The following TJP1 variants were observed in gnomAD, a reference collection of about 807,000 sequenced individuals.
The protein encoded by TJP1 is tight junction protein ZO-1.
In TJP1, 43 loss-of-function variants were observed where a neutral mutation model predicts 194.2. That is an observed-to-expected ratio of 0.22 (90% confidence interval 0.17 to 0.29). The LOEUF (loss-of-function observed/expected upper bound fraction) is 0.29. Among genes scored for constraint, TJP1 ranks in the 10% least tolerant of loss-of-function variants. The pLI, the probability that TJP1 is intolerant of heterozygous loss-of-function variation, is 1.00. For synonymous variants in TJP1, 801 were observed against 779.0 expected, an observed-to-expected ratio of 1.03 and a Z score of -0.47; for missense variants, 1,971 against 2,185.7, an observed-to-expected ratio of 0.90 and a Z score of 1.96.
chr15:29,867,178 A>G (rs2152112111), intron 2 of TJP1, among the ~76,000 whole-genome samples: 1 of 152,378 alleles, frequency 6.6e-6, no homozygotes, highest in Admixed American at 6.5e-5. Context: ...ATTCCTGGAC[A>G]CGAGAAAATT....
intron 2 of TJP1, among the ~76,000 whole-genome samples, chr15:29,911,542 G>A (rs1284618188): frequency 6.6e-6 from 1 of 152,096 alleles, no homozygotes; most frequent in Non-Finnish European, 1.5e-5. Context: ...AAGGCAAAGG[G>A]GAAGCATGCA....
At chr15:29,764,892 G>A (rs45517939) in intron 5 of TJP1, among the ~76,000 whole-genome samples, 1 of 152,098 alleles carries the variant, frequency 6.6e-6, no homozygotes, top group Non-Finnish European at 1.5e-5. Context: ...AGCAGTGACT[G>A]GAAGCAGGGG....
At chr15:29,735,691 C>T (rs966550894) in intron 11 of TJP1, among the ~76,000 whole-genome samples, 2 of 151,716 alleles carry the variant, frequency 1.3e-5, no homozygotes, top group African/African-American at 4.8e-5. Context: ...TCTTTACTTT[C>T]CTTGGTATAG....
chr15:29,711,564 C>G (rs1195573093), intron 23 of TJP1, among the ~76,000 whole-genome samples: 1 of 152,138 alleles, frequency 6.6e-6, no homozygotes, highest in Non-Finnish European at 1.5e-5. Context: ...TGGCGTTTCA[C>G]CACGTTGTCC....
chr15:29,830,560 T>C (rs1034888018), intron 2 of TJP1, among the ~76,000 whole-genome samples: 2 of 151,314 alleles, frequency 1.3e-5, no homozygotes, highest in Non-Finnish European at 1.5e-5. Context: ...CACTAATATA[T>C]ATTAATGTGT....
At position 29,703,799 on chromosome 15, in the gene TJP1, C is replaced by G. The variant is rs562219914; in HGVS notation, c.5212+363G>C. On this transcript the variant is annotated intron_variant, in intron 27 of 27. Coordinates refer to ENST00000614355, the MANE Select transcript of TJP1 (RefSeq NM_001330239.4). ...CTGGGATTACAGGTGTGTGCCACCACGCCTGGCTAATTTTTGTATTTTTAG... is the reference window on the plus strand; with the variant it reads ...CTGGGATTACAGGTGTGTGCCACCAGGCCTGGCTAATTTTTGTATTTTTAG... Among the ~76,000 whole-genome samples, 27 of 152,092 alleles carry G rather than the reference C, an allele frequency of 1.8e-4. 1 individual carries two copies. The South Asian group carries it at 5.2e-3, about 29-fold the overall frequency.
At chr15:29,904,027 G>A (rs2053722589) in intron 2 of TJP1, among the ~76,000 whole-genome samples, 1 of 152,076 alleles carries the variant, frequency 6.6e-6, no homozygotes, top group African/African-American at 2.4e-5. Flanking sequence ...GGGTGTGAGG[G>A]CTAAAAATAA....
intron 2 of TJP1, among the ~76,000 whole-genome samples, chr15:29,945,342 ATATTCTT>A (rs528990644): frequency 7.2e-5 from 11 of 152,358 alleles, no homozygotes; most frequent in African/African-American, 2.6e-4. Context: ...TCACCAGCTG[ATATTCTT>A]TTCACTAATT....
At chr15:29,837,558 CA>C (rs902890261) in intron 2 of TJP1, among the ~76,000 whole-genome samples, 9 of 151,684 alleles carry the variant, frequency 5.9e-5, no homozygotes, top group African/African-American at 2.2e-4. Flanking sequence ...AACTCCGTCT[CA>C]AAAAAAATTA....
intron 18 of TJP1, among the ~76,000 whole-genome samples, chr15:29,722,410 G>A (rs2042984361): frequency 6.6e-6 from 1 of 152,200 alleles, no homozygotes; most frequent in South Asian, 2.1e-4. Context: ...TTGCTTCAGA[G>A]GGTGCAAGCC....
intron 8 of TJP1, chr15:29,760,183 T>TG (rs1182412292): frequency 2.8e-6 from 2 of 701,778 alleles, no homozygotes; most frequent in Non-Finnish European, 5.2e-6. Context: ...ATGGGTCAGG[T>TG]GGTGGCCTAT....
chr15:29,711,969 AGATCCTGC>A (rs2042271884), intron 23 of TJP1, among the ~76,000 whole-genome samples: 1 of 152,248 alleles, frequency 6.6e-6, no homozygotes, highest in African/African-American at 2.4e-5. Context: ...CTAGAGCAGC[AGATCCTGC>A]TTTATTTTAC....
At chr15:29,926,316 C>G (rs1052222392) in intron 2 of TJP1, among the ~76,000 whole-genome samples, 7 of 152,110 alleles carry the variant, frequency 4.6e-5, no homozygotes, top group African/African-American at 7.2e-5. Flanking sequence ...AGTAAAGAAG[C>G]ATTTGGGAAC....
At chr15:29,754,850 T>A (rs1405203096) in intron 8 of TJP1, among the ~76,000 whole-genome samples, 1 of 152,180 alleles carries the variant, frequency 6.6e-6, no homozygotes, top group Non-Finnish European at 1.5e-5. Flanking sequence ...TTACCTACGC[T>A]CAACCTGTAT....
chr15:29,718,544 C>T lies in TJP1; in HGVS notation c.3598G>A (p.Glu1200Lys), dbSNP rs781683732. 9 of 1,613,984 alleles carry T rather than the reference C, an allele frequency of 5.6e-6. 1 individual carries two copies. Among genetic ancestry groups the T allele is most frequent in the East Asian group, 2.2e-5 (1 of 44,876 alleles). ...QYFEQYSRSY[E>K]QVPPQGFTSR... ...GTAAATCCTTGGGGTGGTACTTGCTCGTAACTGCGTGAATATTGCTCAAAA... is the reference window on the plus strand; with the variant it reads ...GTAAATCCTTGGGGTGGTACTTGCTTGTAACTGCGTGAATATTGCTCAAAA... The change falls in exon 21 of 28, where the codon GAG (glutamate) becomes AAG (lysine). Residue 1200 changes from glutamate (E) to lysine (K), a missense_variant. Transcript: ENST00000614355.
chr15:29,889,037 C>T (rs1488463231), intron 2 of TJP1, among the ~76,000 whole-genome samples: 1 of 152,192 alleles, frequency 6.6e-6, no homozygotes, highest in Admixed American at 6.5e-5. Context: ...AAATCTGCTC[C>T]CTTAGTTGGG....
At chr15:29,902,129 A>T (rs2053653920) in intron 2 of TJP1, among the ~76,000 whole-genome samples, 1 of 152,234 alleles carries the variant, frequency 6.6e-6, no homozygotes, top group African/African-American at 2.4e-5. Context: ...TTTTACTATC[A>T]TATTTTATTC....
At chr15:29,949,532 T>A (rs146922565) in intron 2 of TJP1, among the ~76,000 whole-genome samples, 167 of 17,550 alleles carry the variant, frequency 9.5e-3, no homozygotes, top group Middle Eastern at 0.059. Context: ...CACCACCACC[T>A]CCACCACCAC....
At chr15:29,930,690 A>G (rs1319264621) in intron 2 of TJP1, among the ~76,000 whole-genome samples, 1 of 150,168 alleles carries the variant, frequency 6.7e-6, no homozygotes, top group Non-Finnish European at 1.5e-5. Context: ...CCCACTATCA[A>G]TCACAGCCTC....
Sources: gnomAD v4.1 joint callset for allele counts (sites outside exome capture counted in the v4.1 genomes callset) on GRCh38, gnomAD v4.1.1 for gene constraint, MANE v1.5 for transcripts, NCBI Gene and HGNC (gene_info 2026-07-23, HGNC 2026-07-21) for gene names.